Variants in SLCO1A2 observed in about 807,000 individuals in gnomAD.
The protein encoded by SLCO1A2 is solute carrier organic anion transporter family member 1A2.
A neutral mutation model predicts 69.0 loss-of-function variants in SLCO1A2; 67 were observed. The observed-to-expected ratio is 0.97, with a 90% CI of 0.80 to 1.19. The LOEUF is 1.19. Ranked by LOEUF, SLCO1A2 falls within the 50% of genes most tolerant of loss-of-function variation. The pLI is 0.00. For synonymous variants in SLCO1A2, 260 were observed against 265.9 expected (o/e 0.98, Z 0.22); for missense variants, 787 against 793.7 (o/e 0.99, Z 0.10).
intron 1 of SLCO1A2, chr12:21,376,454 T>C (rs1308039878): frequency 5.4e-6 from 1 of 184,544 alleles, no homozygotes; most frequent in Non-Finnish European, 1.2e-5. Flanking sequence ...ACATTGGTCA[T>C]ATTTATGGTA....
chr12:21,382,340 G>A (rs1242260498), intron 1 of SLCO1A2, among the ~76,000 whole-genome samples: 1 of 152,148 alleles, frequency 6.6e-6, no homozygotes, highest in African/African-American at 2.4e-5. Flanking sequence ...GCGGGAGGGT[G>A]AGAGGGGGCC....
intron 2 of SLCO1A2, among the ~76,000 whole-genome samples, chr12:21,360,188 T>A (rs951689864): frequency 3.9e-5 from 6 of 152,182 alleles, no homozygotes; most frequent in Admixed American, 1.3e-4. Flanking sequence ...TAAAAAAGGT[T>A]ACAAGACAAC....
intron 3 of SLCO1A2, among the ~76,000 whole-genome samples, chr12:21,316,552 C>CTTT (rs10679944): frequency 0.016 from 2,267 of 145,026 alleles, 65 homozygotes; most frequent in African/African-American, 0.052. Flanking sequence ...ACTGCTGATA[C>CTTT]TTTTTTTTTT....
intron 2 of SLCO1A2, chr12:21,319,226 C>A: frequency 1.3e-6 from 1 of 783,254 alleles, no homozygotes; most frequent in Non-Finnish European, 1.9e-6. Context: ...TTAAACATGT[C>A]TTCAGAGCTA....
intron 2 of SLCO1A2, among the ~76,000 whole-genome samples, chr12:21,329,814 C>T (rs1383315194): frequency 6.6e-6 from 1 of 151,076 alleles, no homozygotes; most frequent in Non-Finnish European, 1.5e-5. Context: ...TTACCAAAAA[C>T]ACTATTTACT....
intron 12 of SLCO1A2, among the ~76,000 whole-genome samples, chr12:21,281,428 C>T (rs564769108): frequency 6.5e-4 from 97 of 149,984 alleles, no homozygotes; most frequent in East Asian, 4.5e-3. Context: ...CTAACTTGAG[C>T]GACAGAGTGA....
At chr12:21,270,309 G>T (rs1343038821) in intron 14 of SLCO1A2, among the ~76,000 whole-genome samples, 1 of 151,640 alleles carries the variant, frequency 6.6e-6, no homozygotes, top group African/African-American at 2.4e-5. Context: ...TGTGTTAATA[G>T]CATCTATTAC....
At chr12:21,277,643 A>T (rs1294244082) in intron 12 of SLCO1A2, among the ~76,000 whole-genome samples, 1 of 152,132 alleles carries the variant, frequency 6.6e-6, no homozygotes, top group Non-Finnish European at 1.5e-5. Context: ...TCCACTGACC[A>T]GGCAGGAGTT....
intron 2 of SLCO1A2, among the ~76,000 whole-genome samples, chr12:21,333,483 T>A (rs1952735607): frequency 6.6e-6 from 1 of 152,142 alleles, no homozygotes; most frequent in Non-Finnish European, 1.5e-5. Context: ...AATGAGTATA[T>A]TTCTAAGTTC....
At chr12:21,332,535 C>CTCCT (rs1384970399) in intron 2 of SLCO1A2, among the ~76,000 whole-genome samples, 1 of 152,078 alleles carries the variant, frequency 6.6e-6, no homozygotes. Flanking sequence ...TGTCCAACAC[C>CTCCT]TCCTTCCCAT....
At chr12:21,335,797 C>G (rs1952864006), upstream of SLCO1A2, among the ~76,000 whole-genome samples, 1 of 152,110 alleles carries the variant, frequency 6.6e-6, no homozygotes, top group Admixed American at 6.6e-5. Context: ...CACATTCTCT[C>G]ACAGATACAA....
At chr12:21,411,641 T>C (rs1406966588) in intron 1 of SLCO1A2, among the ~76,000 whole-genome samples, 1 of 152,188 alleles carries the variant, frequency 6.6e-6, no homozygotes, top group Non-Finnish European at 1.5e-5. Context: ...GACCGTTACT[T>C]ACATTGAAGC....
At position 21,393,531 on chromosome 12, in the gene SLCO1A2, C is replaced by A. The variant is rs894915385; in HGVS notation, c.-190+1375G>T. ...TTTTTGAAGCTGCTTAGAGACCAGC[C>A]GGATTAAAAATTTTTAATTTGGCAA... On this transcript the variant is annotated intron_variant, in intron 1 of 15. Coordinates refer to the SLCO1A2 transcript ENST00000307378. Among the ~76,000 whole-genome samples, 3 of 151,978 alleles carry A rather than the reference C, an allele frequency of 2.0e-5. No individual in the cohort carries two copies. The East Asian group carries it at 5.8e-4, about 29-fold the overall frequency.
chr12:21,326,573 G>A (rs1358310075), intron 2 of SLCO1A2, among the ~76,000 whole-genome samples: 1 of 152,140 alleles, frequency 6.6e-6, no homozygotes, highest in African/African-American at 2.4e-5. Context: ...TCCAGACTGA[G>A]GTGTTCTCAG....
intron 4 of SLCO1A2, among the ~76,000 whole-genome samples, chr12:21,312,712 A>G (rs1176760002): frequency 6.6e-6 from 1 of 152,160 alleles, no homozygotes; most frequent in African/African-American, 2.4e-5. Flanking sequence ...GCCCAAGGAA[A>G]GGGCAAAAAA....
chr12:21,418,110 C>T (rs1429450336), upstream of SLCO1A2: 1 of 152,256 alleles, frequency 6.6e-6, no homozygotes, highest in East Asian at 1.9e-4. Context: ...GGATACTACA[C>T]CTTAGGCCAG....
At chr12:21,274,119 C>T (rs1943373943) in intron 14 of SLCO1A2, 1 of 158,640 alleles carries the variant, frequency 6.3e-6, no homozygotes, top group African/African-American at 2.4e-5. Flanking sequence ...ATGATGAAAT[C>T]ATGCAGGATA....
At chr12:21,302,998 C>A (rs577348489) in intron 6 of SLCO1A2, among the ~76,000 whole-genome samples, 3 of 152,186 alleles carry the variant, frequency 2.0e-5, no homozygotes, top group Admixed American at 2.0e-4. Flanking sequence ...GGTCAATTTT[C>A]CAACTTTTAA....
intron 4 of SLCO1A2, among the ~76,000 whole-genome samples, chr12:21,313,263 A>C (rs1223786507): frequency 1.3e-5 from 2 of 152,252 alleles, no homozygotes; most frequent in Non-Finnish European, 2.9e-5. Flanking sequence ...CAAAGTGAGC[A>C]CATGCTGTTG....
Sources: allele counts gnomAD v4.1 joint callset (sites outside exome capture counted in the v4.1 genomes callset), GRCh38; gene constraint gnomAD v4.1.1; transcripts MANE v1.5; gene names NCBI Gene and HGNC (gene_info 2026-07-23, HGNC 2026-07-21).